TESPA1: variants seen among roughly 807,000 people sequenced by gnomAD.
TESPA1 encodes thymocyte expressed, positive selection associated 1, also known as protein TESPA1.
TESPA1 carries 33 observed loss-of-function variants against 57.9 expected under a neutral mutation model. The observed-to-expected ratio is 0.57, with a 90% confidence interval of 0.43 to 0.76. The LOEUF (loss-of-function observed/expected upper bound fraction) is 0.76, where lower values mean the gene tolerates loss of function less well. Among genes scored for constraint, TESPA1 ranks in the 30% least tolerant of loss-of-function variants. The pLI is 0.00. For synonymous variants in TESPA1, 227 were observed against 228.9 expected, an observed-to-expected ratio of 0.99 and a Z score of 0.07; for missense variants, 618 against 632.9, an observed-to-expected ratio of 0.98 and a Z score of 0.25.
In TESPA1 at chr12:54,966,081, T is replaced by A; in HGVS notation, c.418A>T (p.Thr140Ser). Residue 140 changes from threonine (T) to serine (S), a missense_variant, in exon 7 of 11, where the codon ACT becomes TCT. By Grantham distance (58) the Thr-to-Ser change is moderately conservative. Transcript: ENST00000449076. ...LGCSLASSSM[T>S]GGTNKTSSSI... ...GAACTAGTCTTGTTGGTCCCCCCAG[T>A]CATGCTGCTGGAAGCCAAACTACAG... The A allele has an allele frequency of 6.3e-7, 1 of 1,577,954 alleles. No homozygotes were observed. Among genetic ancestry groups the A allele is most frequent in the South Asian group, 1.2e-5 (1 of 85,950 alleles).
Position 54,966,049 on chromosome 12 carries a change from C to G in TESPA1, c.446+4G>C. 1 of 1,566,216 alleles carries G rather than the reference C, an allele frequency of 6.4e-7. No individual in the cohort carries two copies. The highest frequency in any genetic ancestry group is 8.7e-7 in the Non-Finnish European group (1 of 1,154,366). ...CTTCCACCCTGCCAAACTTCAGTAC[C>G]TACCTTGAACTAGTCTTGTTGGTCC... On this transcript the variant is annotated splice_donor_region_variant and intron_variant, in intron 7 of 10. Transcript: ENST00000449076.
At chr12:54,975,281 A>G (rs1176015951) in intron 1 of TESPA1, among the ~76,000 whole-genome samples, 1 of 152,162 alleles carries the variant, frequency 6.6e-6, no homozygotes, top group African/African-American at 2.4e-5. Flanking sequence ...CACCTTCAGG[A>G]TAATGACTTT....
chr12:54,949,687 C>T lies in TESPA1; in HGVS notation c.*705G>A, dbSNP rs1565809000. 6.6e-6 allele frequency: 1 copy of T among 152,420 alleles called. No individual in the cohort carries two copies. Among genetic ancestry groups the T allele is most frequent in the Admixed American group, 6.5e-5 (1 of 15,276 alleles). The allele number at this position is 152,420 out of a possible 1,614,324, so 9.4% of individuals were successfully genotyped here. The stretch of plus-strand genomic sequence containing the variant: ...CAACAGAAATAGCATTTTTTCCCCC[C>T]ACAATGGCTAGGAGAAGAGACTCTG... On this transcript the variant is annotated 3_prime_UTR_variant, in exon 11 of 11. Coordinates refer to ENST00000449076, the MANE Select transcript of TESPA1 (RefSeq NM_001136030.3).
chr12:54,971,350 G>A (rs10876676), intron 3 of TESPA1, among the ~76,000 whole-genome samples: 20,453 of 152,152 alleles, frequency 0.13, 3,370 homozygotes, highest in African/African-American at 0.37. Context: ...TTTAGAATGC[G>A]TTTTCCCTCT....
At chr12:54,974,035 G>T in intron 2 of TESPA1, 1 of 453,208 alleles carries the variant, frequency 2.2e-6, no homozygotes, top group Non-Finnish European at 3.0e-6. Context: ...CACACAGCTT[G>T]TTAGTGACAG....
chr12:54,962,766 G>A lies in TESPA1; in HGVS notation c.1132C>T (p.Pro378Ser). Residue 378 changes from proline to serine, a missense_variant, in exon 9 of 11, where the codon CCA becomes TCA. Transcript: ENST00000449076. Reference protein sequence around the residue: ...TQQRMSTVLAPSQTLDSNPKV... With the variant: ...TQQRMSTVLASSQTLDSNPKV... ...GGGTTCGAATCCAGAGTTTGGGATG[G>A]TGCTAGCACTGTGGACATCCTCTGC... The A allele has an allele frequency of 1.2e-6, 2 of 1,613,896 alleles. No homozygotes were observed. The highest frequency in any genetic ancestry group is 1.7e-6 in the Non-Finnish European group (2 of 1,179,888).
intron 10 of TESPA1, among the ~76,000 whole-genome samples, chr12:54,955,037 GTTACA>G (rs1950646099): frequency 6.6e-6 from 1 of 152,160 alleles, no homozygotes; most frequent in East Asian, 1.9e-4. Flanking sequence ...GTTGCACCAT[GTTACA>G]TTCTTACCAA....
chr12:54,954,798 GTA>G (rs1304176211), intron 10 of TESPA1, among the ~76,000 whole-genome samples: 1 of 152,134 alleles, frequency 6.6e-6, no homozygotes, highest in Non-Finnish European at 1.5e-5. Flanking sequence ...ATATTTCACT[GTA>G]TATATATGTC....
At chr12:54,965,234 G>T (rs1163882565) in intron 7 of TESPA1, among the ~76,000 whole-genome samples, 1 of 152,086 alleles carries the variant, frequency 6.6e-6, no homozygotes, top group African/African-American at 2.4e-5. Flanking sequence ...GGAAGTGCAG[G>T]TTTGTTACAT....
At chr12:54,960,169 T>G (rs1357594529) in intron 10 of TESPA1, among the ~76,000 whole-genome samples, 1 of 152,200 alleles carries the variant, frequency 6.6e-6, no homozygotes, top group East Asian at 1.9e-4. Flanking sequence ...GATTTTAATT[T>G]ATACTATCTG....
chr12:54,972,063 A>G (rs1467468236), intron 3 of TESPA1, among the ~76,000 whole-genome samples: 2 of 152,232 alleles, frequency 1.3e-5, no homozygotes, highest in Non-Finnish European at 2.9e-5. Flanking sequence ...TCAGGCGTCT[A>G]CAGTGAACAG....
chr12:54,983,931 T>G (rs1952410546), intron 1 of TESPA1: 1 of 152,238 alleles, frequency 6.6e-6, no homozygotes, highest in Non-Finnish European at 1.5e-5. Flanking sequence ...ATGTGAACCC[T>G]GAAATCTGGT....
chr12:54,969,055 G>GTAGATAGA, intron 3 of TESPA1, among the ~76,000 whole-genome samples: 1 of 129,824 alleles, frequency 7.7e-6, no homozygotes, highest in Admixed American at 8.6e-5. Flanking sequence ...ATGTGTGTGT[G>GTAGATAGA]TAGATAGATA....
intron 3 of TESPA1, among the ~76,000 whole-genome samples, chr12:54,970,694 C>T (rs2136166254): frequency 6.6e-6 from 1 of 152,290 alleles, no homozygotes; most frequent in East Asian, 1.9e-4. Flanking sequence ...AGTTGCTCCC[C>T]TTTTCCCACC....
chr12:54,961,384 C>T, intron 9 of TESPA1, 117 bp from the exon 10 acceptor site: 1 of 1,083,036 alleles, frequency 9.2e-7, no homozygotes, highest in Non-Finnish European at 1.4e-6. Context: ...GAGACAGCCT[C>T]TTCTGTGGTG....
At position 54,948,557 on chromosome 12, in the gene TESPA1, C is replaced by T. The variant is rs925162127; in HGVS notation, c.*1835G>A. ...TCATTTAAAAGTGTTAGCACCTCCCCTTTCCTTTGTTCCTCCTGCTCATAC... is the reference window on the plus strand; with the variant it reads ...TCATTTAAAAGTGTTAGCACCTCCCTTTTCCTTTGTTCCTCCTGCTCATAC... On this transcript the variant is annotated 3_prime_UTR_variant, in exon 11 of 11. Coordinates refer to ENST00000449076, the MANE Select transcript of TESPA1 (RefSeq NM_001136030.3). 2 of 152,400 alleles carry T rather than the reference C, an allele frequency of 1.3e-5. No individual in the cohort carries two copies. Among genetic ancestry groups the T allele is most frequent in the African/African-American group, 2.4e-5 (1 of 41,452 alleles). The allele number at this position is 152,400 out of a possible 1,614,324, so 9.4% of individuals were successfully genotyped here.
At chr12:54,980,821 G>GA (rs1952288452) in intron 1 of TESPA1, among the ~76,000 whole-genome samples, 1 of 152,182 alleles carries the variant, frequency 6.6e-6, no homozygotes. Flanking sequence ...GTGTTATTTA[G>GA]AAATTAAAGA....
At chr12:54,957,115 A>G (rs1950782883) in intron 10 of TESPA1, among the ~76,000 whole-genome samples, 1 of 152,188 alleles carries the variant, frequency 6.6e-6, no homozygotes, top group African/African-American at 2.4e-5. Context: ...TGAATGAATT[A>G]GAAAAAAATG....
chr12:54,978,042 C>T (rs1456257189), intron 1 of TESPA1, among the ~76,000 whole-genome samples: 2 of 151,008 alleles, frequency 1.3e-5, no homozygotes, highest in African/African-American at 2.4e-5. Context: ...TGGAAATCTG[C>T]AGGAAGCGGC....
Sources: allele counts gnomAD v4.1 joint callset (sites outside exome capture counted in the v4.1 genomes callset), GRCh38; gene constraint gnomAD v4.1.1; transcripts MANE v1.5; gene names NCBI Gene and HGNC (gene_info 2026-07-23, HGNC 2026-07-21).